The following DCDC2C variants were observed in gnomAD, a reference collection of about 807,000 sequenced individuals.
The protein encoded by DCDC2C is doublecortin domain-containing protein 2C.
DCDC2C carries 44 observed loss-of-function variants against 45.0 expected under a neutral mutation model. The ratio of observed to expected loss-of-function variants is 0.98; its 90% CI spans 0.77 to 1.26. The LOEUF (loss-of-function observed/expected upper bound fraction) is 1.26. Ranked by LOEUF, DCDC2C falls within the 50% of genes most tolerant of loss-of-function variation. The pLI is 0.00. For missense variants in DCDC2C, 447 were observed against 468.9 expected (o/e 0.95, Z 0.43); for synonymous variants, 187 against 178.8 (o/e 1.05, Z -0.37).
At chr2:3,779,519 T>C (rs1350559586) in intron 9 of DCDC2C, among the ~76,000 whole-genome samples, 2 of 152,394 alleles carry the variant, frequency 1.3e-5, no homozygotes, top group African/African-American at 4.8e-5. Context: ...GAATTTACTT[T>C]AAATGTATCA....
intron 8 of DCDC2C, among the ~76,000 whole-genome samples, chr2:3,778,187 T>A (rs1291265123): frequency 6.6e-6 from 1 of 152,028 alleles, no homozygotes; most frequent in Admixed American, 6.6e-5. Flanking sequence ...TGGACGGGAC[T>A]CCTCCCGGCC....
intron 2 of DCDC2C, among the ~76,000 whole-genome samples, chr2:3,713,821 T>G (rs996276096): frequency 6.6e-6 from 1 of 152,224 alleles, no homozygotes; most frequent in Non-Finnish European, 1.5e-5. Flanking sequence ...TCACTTTGCC[T>G]GTGCTTTTGA....
At chr2:3,841,393 ATATTTTATAT>A (rs989146234) in intron 10 of DCDC2C, among the ~76,000 whole-genome samples, 2 of 149,646 alleles carry the variant, frequency 1.3e-5, no homozygotes, top group African/African-American at 4.9e-5. Flanking sequence ...TTTTATATTA[ATATTTTATAT>A]TATTTTATAT....
chr2:3,812,875 G>A (rs536027370), intron 10 of DCDC2C, among the ~76,000 whole-genome samples: 1 of 151,984 alleles, frequency 6.6e-6, no homozygotes, highest in African/African-American at 2.4e-5. Flanking sequence ...CAATTTCCAT[G>A]TATTTGTGTG....
At chr2:3,826,914 C>T (rs185397513) in intron 10 of DCDC2C, among the ~76,000 whole-genome samples, 13 of 152,082 alleles carry the variant, frequency 8.5e-5, no homozygotes, top group African/African-American at 3.1e-4. Context: ...TCCCTCCATC[C>T]CTCCCTCCCC....
At chr2:3,837,488 G>C (rs776959937) in intron 10 of DCDC2C, among the ~76,000 whole-genome samples, 3 of 152,310 alleles carry the variant, frequency 2.0e-5, no homozygotes, top group South Asian at 4.1e-4. Context: ...CACTGGGGCA[G>C]TGGCTATAGG....
intron 10 of DCDC2C, among the ~76,000 whole-genome samples, chr2:3,799,448 T>G (rs1402054057): frequency 6.6e-6 from 1 of 152,216 alleles, no homozygotes; most frequent in Admixed American, 6.5e-5. Context: ...GGTGCTCTGC[T>G]TTTTAGAGTT....
At chr2:3,719,815 G>A (rs112742473) in intron 2 of DCDC2C, among the ~76,000 whole-genome samples, 2,006 of 152,342 alleles carry the variant, frequency 0.013, 51 homozygotes, top group African/African-American at 0.047. Context: ...GGATGCTGTG[G>A]CATTTTCTCT....
chr2:3,738,884 G>A (rs1261569956), intron 3 of DCDC2C, among the ~76,000 whole-genome samples: 1 of 152,094 alleles, frequency 6.6e-6, no homozygotes, highest in Admixed American at 6.5e-5. Context: ...AGACTTCCAG[G>A]GAAACTGTTT....
intron 10 of DCDC2C, among the ~76,000 whole-genome samples, chr2:3,794,801 T>C (rs1239302171): frequency 6.6e-6 from 1 of 152,226 alleles, no homozygotes; most frequent in African/African-American, 2.4e-5. Context: ...TCTTTGCTAT[T>C]GTGAATAATG....
At chr2:3,837,421 A>G (rs7559452) in intron 10 of DCDC2C, among the ~76,000 whole-genome samples, 26,020 of 152,056 alleles carry the variant, frequency 0.17, 2,408 homozygotes, top group East Asian at 0.33. Flanking sequence ...AAGTAGTGGG[A>G]ATGGAGACGC....
chr2:3,737,740 T>TC (rs1278319750), intron 3 of DCDC2C, among the ~76,000 whole-genome samples: 2 of 152,208 alleles, frequency 1.3e-5, no homozygotes, highest in Non-Finnish European at 2.9e-5. Context: ...CTCTAAAGTG[T>TC]TCATGGCTAG....
chr2:3,707,030 C>T (rs1272662813), intron 1 of DCDC2C, among the ~76,000 whole-genome samples: 1 of 152,114 alleles, frequency 6.6e-6, no homozygotes, highest in East Asian at 1.9e-4. Context: ...TTCCTTTGTT[C>T]TCTGGAAGTA....
intron 7 of DCDC2C, 35 bp downstream of exon 7, chr2:3,767,915 G>C (rs1368956964): frequency 7.1e-7 from 1 of 1,412,942 alleles, no homozygotes. Context: ...TAGGCAGTTC[G>C]AAACTTTACC....
intron 6 of DCDC2C, among the ~76,000 whole-genome samples, chr2:3,762,314 G>T (rs1228855705): frequency 6.6e-6 from 1 of 152,190 alleles, no homozygotes; most frequent in African/African-American, 2.4e-5. Context: ...CACAAGGCAT[G>T]TGGCTGTGGA....
intron 10 of DCDC2C, among the ~76,000 whole-genome samples, chr2:3,828,060 A>G (rs1356628423): frequency 6.6e-6 from 1 of 152,226 alleles, no homozygotes. Flanking sequence ...TTCAAAAATC[A>G]CATGAAAGTC....
chr2:3,778,486 G>C (rs1670414863), intron 8 of DCDC2C, among the ~76,000 whole-genome samples: 1 of 152,190 alleles, frequency 6.6e-6, no homozygotes, highest in Admixed American at 6.5e-5. Flanking sequence ...GGCGTCTGCT[G>C]ACCAGGGAGC....
intron 6 of DCDC2C, among the ~76,000 whole-genome samples, chr2:3,763,843 C>T (rs1439586606): frequency 6.6e-6 from 1 of 152,244 alleles, no homozygotes; most frequent in African/African-American, 2.4e-5. Context: ...GAACTGTGCT[C>T]TTTAGTCATG....
chr2:3,773,457 G>A (rs1030897255), intron 8 of DCDC2C, among the ~76,000 whole-genome samples: 1 of 152,118 alleles, frequency 6.6e-6, no homozygotes, highest in Non-Finnish European at 1.5e-5. Context: ...TGCCCGATAA[G>A]CTTTCATTCT....
Sources: gnomAD v4.1 joint callset for allele counts (sites outside exome capture counted in the v4.1 genomes callset) on GRCh38, gnomAD v4.1.1 for gene constraint, MANE v1.5 for transcripts, NCBI Gene and HGNC (gene_info 2026-07-23, HGNC 2026-07-21) for gene names.